The following CECR2 variants were observed in gnomAD, a reference collection of about 807,000 sequenced individuals.
CECR2 encodes CECR2 histone acetyl-lysine reader.
CECR2 carries 30 observed loss-of-function variants against 154.5 expected under a neutral mutation model. The observed-to-expected ratio is 0.19, with a 90% CI of 0.15 to 0.26. The LOEUF (loss-of-function observed/expected upper bound fraction) is 0.26. Ranked by LOEUF, CECR2 falls within the 10% of genes least tolerant of loss-of-function variation. CECR2 has a pLI of 1.00. For synonymous variants in CECR2, 725 were observed against 683.7 expected (o/e 1.06, Z -0.94); for missense variants, 1,743 against 1,829.3 (o/e 0.95, Z 0.86).
chr22:17,482,130 AAAAAAAAAAAAG>A (rs2055334726), intron 2 of CECR2, among the ~76,000 whole-genome samples: 3 of 97,564 alleles, frequency 3.1e-5, no homozygotes, highest in East Asian at 2.9e-4. Flanking sequence ...AAAAAAAAAA[AAAAAAAAAAAAG>A]GGCGTGGCAT....
rs1354271173 is a variant in CECR2, at chr22:17,540,649, C to T, written c.1733C>T (p.Pro578Leu). Residue 578 changes from proline (P) to leucine (L), a missense_variant, in exon 14 of 19, where the codon CCC becomes CTC. By Grantham distance (98) the Pro-to-Leu change is moderately conservative. Transcript: ENST00000262608. ...QPMENGGKSL[P>L]PTRRAPSSGD... ...ATGGAGAATGGAGGAAAGTCGTTGC[C>T]CCCCACACGCCGAGCGCCCTCTTCT... 2 of 1,613,720 alleles carry T rather than the reference C, an allele frequency of 1.2e-6. No individual in the cohort carries two copies. Among genetic ancestry groups the T allele is most frequent in the East Asian group, 4.5e-5 (2 of 44,890 alleles).
At chr22:17,388,848 CTG>C (rs960111699) in intron 1 of CECR2, among the ~76,000 whole-genome samples, 6 of 152,030 alleles carry the variant, frequency 3.9e-5, no homozygotes, top group Non-Finnish European at 5.9e-5. Context: ...GAGTCTCACT[CTG>C]TCGCCCAGGC....
chr22:17,458,812 T>G (rs2054893382), intron 1 of CECR2, among the ~76,000 whole-genome samples: 1 of 152,098 alleles, frequency 6.6e-6, no homozygotes, highest in Non-Finnish European at 1.5e-5. Context: ...AGGAGCAGGT[T>G]TCTTGAGTTT....
intron 1 of CECR2, among the ~76,000 whole-genome samples, chr22:17,387,139 T>C (rs1489843117): frequency 6.6e-6 from 1 of 152,222 alleles, no homozygotes; most frequent in Non-Finnish European, 1.5e-5. Flanking sequence ...ATTTATGTTC[T>C]GTGTTATGTT....
At chr22:17,388,081 A>C (rs868443369) in intron 1 of CECR2, among the ~76,000 whole-genome samples, 2 of 151,982 alleles carry the variant, frequency 1.3e-5, no homozygotes, top group South Asian at 2.1e-4. Context: ...CAGCCTCCCA[A>C]GTAGCTGGAA....
Position 17,462,606 on chromosome 22 carries a change from T to A in CECR2, c.127-14982T>A, listed in dbSNP as rs144193616. 5.6e-3 allele frequency among the ~76,000 whole-genome samples: 849 copies of A among 152,070 alleles called. 2 individuals carry two copies. Among genetic ancestry groups the A allele is most frequent in the Admixed American group, 0.012 (182 of 15,270 alleles). ...CCAGTTTGGAAGTCCCGGTGAGAAG[T>A]TTAGGTCATCAAAACCTGCCTGTCC... On this transcript the variant is annotated intron_variant, in intron 1 of 18. Coordinates refer to ENST00000262608, the MANE Select transcript of CECR2 (RefSeq NM_001290047.2).
At chr22:17,511,964 TC>T in intron 8 of CECR2, 68 bp downstream of exon 8, 1 of 1,177,432 alleles carries the variant, frequency 8.5e-7, no homozygotes, top group Non-Finnish European at 1.2e-6. Flanking sequence ...TTCATGTACT[TC>T]CATTCCTGCC....
At chr22:17,399,762 ATACCATGAG>A (rs2053865133) in intron 1 of CECR2, among the ~76,000 whole-genome samples, 1 of 152,220 alleles carries the variant, frequency 6.6e-6, no homozygotes, top group African/African-American at 2.4e-5. Context: ...AGATGCGACT[ATACCATGAG>A]TGTAAAATTG....
chr22:17,536,186 T>G (rs2147005510), intron 9 of CECR2, among the ~76,000 whole-genome samples: 2 of 152,140 alleles, frequency 1.3e-5, no homozygotes, highest in Admixed American at 1.3e-4. Flanking sequence ...GGGCAGAGGT[T>G]GTGGTGAGCC....
At chr22:17,379,697 G>A (rs1601249091) in intron 1 of CECR2, among the ~76,000 whole-genome samples, 1 of 151,804 alleles carries the variant, frequency 6.6e-6, no homozygotes, top group Non-Finnish European at 1.5e-5. Flanking sequence ...GACCACATGA[G>A]CTTGAAGCTG....
chr22:17,361,705 T>C (rs1439538187), intron 1 of CECR2, among the ~76,000 whole-genome samples: 1 of 151,054 alleles, frequency 6.6e-6, no homozygotes, highest in Non-Finnish European at 1.5e-5. Context: ...ATTGAGCCAC[T>C]TCACTCCAGC....
At chr22:17,546,455 C>A (rs1197019694) in intron 16 of CECR2, among the ~76,000 whole-genome samples, 1 of 137,486 alleles carries the variant, frequency 7.3e-6, no homozygotes, top group East Asian at 2.1e-4. Context: ...CACTGCACTC[C>A]AACCTGGGCG....
Position 17,542,174 on chromosome 22 carries a change from C to T in CECR2, c.2031C>T (p.Asn677=). 1 of 1,610,366 alleles carries T rather than the reference C, an allele frequency of 6.2e-7. No homozygotes were observed. The highest frequency in any genetic ancestry group is 8.5e-7 in the Non-Finnish European group (1 of 1,177,300). Residue 677 remains asparagine (N), a synonymous_variant, in exon 16 of 19, where the codon AAC becomes AAT. Coordinates refer to ENST00000262608, the MANE Select transcript of CECR2 (RefSeq NM_001290047.2). ...GTTGCCAGCCTCCAGTTGGAATTAACAGCCTCCGAGGACCCAGGCTAGGCA... is the reference window on the plus strand; with the variant it reads ...GTTGCCAGCCTCCAGTTGGAATTAATAGCCTCCGAGGACCCAGGCTAGGCA... ...PFTMQPPVGI[N]SLRGPRLGTP...
rs145343360 is a variant in CECR2 at position 17,521,456 on chromosome 22, T to C, written c.955-2662T>C. Among the ~76,000 whole-genome samples the C allele has an allele frequency of 3.2e-3, 485 of 150,294 alleles. 8 individuals are homozygous for C. In the East Asian group the frequency reaches 0.05, roughly 15 times the overall value. ...TCAGGAGGCTGACGCAGGAGAATGG[T>C]GGAGCTTGCAGTGAGCCGAGATGGC... On this transcript the variant is annotated intron_variant, in intron 8 of 18. Transcript: ENST00000262608.
At chr22:17,397,815 T>A (rs562715812) in intron 1 of CECR2, among the ~76,000 whole-genome samples, 18 of 152,250 alleles carry the variant, frequency 1.2e-4, no homozygotes, top group Middle Eastern at 3.4e-3. Context: ...TTAATTTCTG[T>A]GGTGTTTTAA....
At chr22:17,499,328 A>G in intron 3 of CECR2, 82 bp from the exon 4 acceptor site, 1 of 1,513,452 alleles carries the variant, frequency 6.6e-7, no homozygotes, top group Non-Finnish European at 9.0e-7. Context: ...GCTTACGTGT[A>G]AATTTGGAAT....
Position 17,524,324 on chromosome 22 carries a change from T to C in CECR2, c.1108+53T>C, listed in dbSNP as rs750651769. 27 of 1,582,944 alleles carry C rather than the reference T, an allele frequency of 1.7e-5. No individual in the cohort carries two copies. In the African/African-American group the frequency reaches 3.4e-4, roughly 20 times the overall value. On this transcript the variant is annotated intron_variant, in intron 9 of 18. Coordinates refer to ENST00000262608, the MANE Select transcript of CECR2 (RefSeq NM_001290047.2). ...GAGGTGCATGTCTGTCGACCAGCCG[T>C]CCTGTAGCCAGAGCCAACTCAAGCT...
chr22:17,544,425 G>C (rs572217922), intron 16 of CECR2, among the ~76,000 whole-genome samples: 1 of 150,720 alleles, frequency 6.6e-6, no homozygotes, highest in African/African-American at 2.4e-5. Flanking sequence ...GTGAACCTGG[G>C]AGGGAGAGGT....
intron 9 of CECR2, among the ~76,000 whole-genome samples, chr22:17,530,533 C>T (rs368402351): frequency 1.4e-3 from 215 of 151,926 alleles, no homozygotes; most frequent in African/African-American, 4.9e-3. Flanking sequence ...AAAAATTAGC[C>T]GGGCATGGTG....
Sources: gnomAD v4.1 joint callset for allele counts (sites outside exome capture counted in the v4.1 genomes callset) on GRCh38, gnomAD v4.1.1 for gene constraint, MANE v1.5 for transcripts, NCBI Gene and HGNC (gene_info 2026-07-23, HGNC 2026-07-21) for gene names.